Variants in ADK observed in about 807,000 individuals in gnomAD.
The protein encoded by ADK is adenosine kinase.
A neutral mutation model predicts 44.7 loss-of-function variants in ADK; 24 were observed. The observed-to-expected ratio is 0.54, with a 90% CI of 0.39 to 0.76. ADK has a LOEUF of 0.76. ADK is among the 30% of genes least tolerant of loss of function. The probability of loss-of-function intolerance (pLI) is 0.00; values close to 1 mark genes in which losing one functional copy is unlikely to be tolerated. For missense variants in ADK, 321 were observed against 425.1 expected, an observed-to-expected ratio of 0.76 and a Z score of 2.15; for synonymous variants, 128 against 142.6, an observed-to-expected ratio of 0.90 and a Z score of 0.73.
At chr10:74,409,561 C>T (rs1844089884) in intron 6 of ADK, among the ~76,000 whole-genome samples, 1 of 151,948 alleles carries the variant, frequency 6.6e-6, no homozygotes, top group African/African-American at 2.4e-5. Flanking sequence ...TTTTCAGTTC[C>T]TATGTCTTAT....
intron 3 of ADK, among the ~76,000 whole-genome samples, chr10:74,309,466 C>G (rs1227579753): frequency 6.6e-6 from 1 of 152,084 alleles, no homozygotes; most frequent in Non-Finnish European, 1.5e-5. Flanking sequence ...TCTTATCTTC[C>G]TCAAAACAAC....
intron 3 of ADK, among the ~76,000 whole-genome samples, chr10:74,249,294 A>G (rs1845555451): frequency 6.6e-6 from 1 of 152,176 alleles, no homozygotes. Flanking sequence ...AACATTTTTT[A>G]TGACTATAGA....
chr10:74,303,583 A>ATTTTTT (rs1840133518), intron 3 of ADK, among the ~76,000 whole-genome samples: 4 of 26,462 alleles, frequency 1.5e-4, no homozygotes, highest in Non-Finnish European at 1.9e-4. Context: ...ATTGGTTTTA[A>ATTTTTT]TGTTGTTTTT....
intron 8 of ADK, among the ~76,000 whole-genome samples, chr10:74,592,166 T>A (rs1042754432): frequency 1.3e-5 from 2 of 152,084 alleles, no homozygotes; most frequent in East Asian, 3.8e-4. Context: ...TTTTTATATA[T>A]ATAGGTGATG....
intron 6 of ADK, among the ~76,000 whole-genome samples, chr10:74,511,907 A>G (rs1402155470): frequency 6.6e-6 from 1 of 152,148 alleles, no homozygotes; most frequent in Non-Finnish European, 1.5e-5. Context: ...TTCAGGTTTC[A>G]GTAAGATGCT....
chr10:74,560,884 T>A (rs2133815412), intron 7 of ADK, among the ~76,000 whole-genome samples: 2 of 152,320 alleles, frequency 1.3e-5, no homozygotes, highest in Middle Eastern at 6.8e-3. Context: ...AGGATTTTTT[T>A]AAGGTGCGAG....
At chr10:74,290,714 G>C (rs1453333342) in intron 3 of ADK, among the ~76,000 whole-genome samples, 4 of 151,956 alleles carry the variant, frequency 2.6e-5, no homozygotes, top group Non-Finnish European at 5.9e-5. Context: ...TATCACCCTA[G>C]GAACTAATTG....
intron 7 of ADK, among the ~76,000 whole-genome samples, chr10:74,566,321 C>T (rs1266399755): frequency 6.6e-6 from 1 of 151,632 alleles, no homozygotes; most frequent in Non-Finnish European, 1.5e-5. Context: ...ATCCTCCCAC[C>T]TCAGCCTCCT....
intron 4 of ADK, among the ~76,000 whole-genome samples, chr10:74,384,861 T>C (rs1049451015): frequency 5.3e-5 from 8 of 152,204 alleles, no homozygotes; most frequent in African/African-American, 1.9e-4. Context: ...AGGAAGTTAA[T>C]GGTTCAATCA....
chr10:74,329,122 A>G (rs1454005984), intron 4 of ADK, among the ~76,000 whole-genome samples: 3 of 149,608 alleles, frequency 2.0e-5, no homozygotes, highest in East Asian at 3.9e-4. Flanking sequence ...AAAAAAAAAA[A>G]AAAAAAAAGA....
intron 3 of ADK, among the ~76,000 whole-genome samples, chr10:74,306,867 G>A (rs1262694454): frequency 6.6e-6 from 1 of 152,170 alleles, no homozygotes; most frequent in Non-Finnish European, 1.5e-5. Flanking sequence ...GGTTAATGCA[G>A]AGGTTTCTAG....
At chr10:74,346,540 A>G (rs1262666625) in intron 4 of ADK, among the ~76,000 whole-genome samples, 1 of 152,230 alleles carries the variant, frequency 6.6e-6, no homozygotes, top group Non-Finnish European at 1.5e-5. Flanking sequence ...AATCAATTAA[A>G]TGCAAGATTG....
intron 6 of ADK, among the ~76,000 whole-genome samples, chr10:74,437,054 T>G (rs1845199500): frequency 6.6e-6 from 1 of 152,012 alleles, no homozygotes; most frequent in Non-Finnish European, 1.5e-5. Context: ...AAAATAGAAT[T>G]AAATCTAAAG....
rs182750037 is a variant in ADK at position 74,284,637 on chromosome 10, G to A, written c.195-30030G>A. ...TTCTTCTATCCCAACAGCACATGAG[G>A]GATTGGGTCCCCTTCCATCTCTCCA... On this transcript the variant is annotated intron_variant, in intron 3 of 10. Transcript: ENST00000539909. Among the ~76,000 whole-genome samples the A allele has an allele frequency of 3.3e-3, 499 of 152,250 alleles. 3 individuals carry two copies. Among genetic ancestry groups the A allele is most frequent in the Non-Finnish European group, 5.8e-3 (393 of 68,018 alleles).
chr10:74,695,255 C>T (rs1389558401), intron 10 of ADK, among the ~76,000 whole-genome samples: 2 of 152,096 alleles, frequency 1.3e-5, no homozygotes, highest in Admixed American at 6.6e-5. Flanking sequence ...TTAGAATCAA[C>T]TTATCAGGTT....
At chr10:74,248,343 T>C (rs1024504177) in intron 3 of ADK, among the ~76,000 whole-genome samples, 3 of 152,224 alleles carry the variant, frequency 2.0e-5, no homozygotes, top group Middle Eastern at 6.8e-3. Context: ...GGAGGGTTAA[T>C]TGGGTTACAT....
At chr10:74,551,944 C>T (rs1024421815) in intron 7 of ADK, among the ~76,000 whole-genome samples, 1 of 152,038 alleles carries the variant, frequency 6.6e-6, no homozygotes, top group Non-Finnish European at 1.5e-5. Context: ...AAATATTAAT[C>T]TCTAGATTCT....
At chr10:74,253,766 CTTTT>C (rs369449016) in intron 3 of ADK, among the ~76,000 whole-genome samples, 1 of 125,064 alleles carries the variant, frequency 8.0e-6, no homozygotes, top group Non-Finnish European at 1.6e-5. Context: ...TCTACACTGC[CTTTT>C]TTTTTTTTTT....
chr10:74,233,407 G>A (rs757726934), intron 3 of ADK, among the ~76,000 whole-genome samples: 30 of 152,256 alleles, frequency 2.0e-4, no homozygotes, highest in Admixed American at 1.2e-3. Context: ...TGGTAGTTGT[G>A]GACGTAAGGT....
Sources: allele counts gnomAD v4.1 joint callset (sites outside exome capture counted in the v4.1 genomes callset), GRCh38; gene constraint gnomAD v4.1.1; transcripts MANE v1.5; gene names NCBI Gene and HGNC (gene_info 2026-07-23, HGNC 2026-07-21).